EXOC2: variants seen among roughly 807,000 people sequenced by gnomAD.
The protein encoded by EXOC2 is SEC5-like 1.
A neutral mutation model predicts 131.8 loss-of-function variants in EXOC2; 70 were observed. The observed-to-expected ratio is 0.53, with a 90% confidence interval of 0.44 to 0.65. EXOC2 has a LOEUF of 0.65. EXOC2 is among the 30% of genes least tolerant of loss of function. The pLI is 0.00. For synonymous variants in EXOC2, 411 were observed against 398.4 expected, an observed-to-expected ratio of 1.03 and a Z score of -0.38; for missense variants, 923 against 1,108.6, an observed-to-expected ratio of 0.83 and a Z score of 2.38.
chr6:648,258 T>A (rs987611194), intron 1 of EXOC2, among the ~76,000 whole-genome samples: 8 of 152,208 alleles, frequency 5.3e-5, no homozygotes, highest in African/African-American at 7.2e-5. Context: ...AGTATGTTCT[T>A]ATGTTTGTTG....
intron 23 of EXOC2, among the ~76,000 whole-genome samples, chr6:512,912 T>A (rs1764932923): frequency 2.0e-5 from 3 of 152,196 alleles, no homozygotes; most frequent in Admixed American, 2.0e-4. Context: ...TGTAAAATAT[T>A]TTCATTTGAA....
intron 22 of EXOC2, among the ~76,000 whole-genome samples, chr6:538,674 A>G (rs1766611180): frequency 6.6e-6 from 1 of 152,202 alleles, no homozygotes; most frequent in Admixed American, 6.5e-5. Context: ...CCAACTTATG[A>G]GAGTTCAACT....
intron 13 of EXOC2, among the ~76,000 whole-genome samples, chr6:572,264 T>C (rs1207314139): frequency 1.3e-5 from 2 of 152,198 alleles, no homozygotes; most frequent in African/African-American, 4.8e-5. Context: ...TAATTGCCTA[T>C]CTCATTTAAT....
At chr6:643,847 A>T (rs891617524) in intron 1 of EXOC2, among the ~76,000 whole-genome samples, 5 of 152,150 alleles carry the variant, frequency 3.3e-5, no homozygotes, top group African/African-American at 1.2e-4. Flanking sequence ...GTAATGAAAG[A>T]GGGAATAACC....
At position 486,634 on chromosome 6, in the gene EXOC2, G is replaced by C. The variant is rs768534782; in HGVS notation, c.*37C>G. On this transcript the variant is annotated 3_prime_UTR_variant, in exon 28 of 28. Transcript: ENST00000230449. ...CTTAGAGAGTGAACAGTCTTATTAC[G>C]TGTTATTTTCCTGGACTTCTTTTAT... is the stretch of plus-strand genomic sequence containing the variant. 1.3e-6 allele frequency: 2 copies of C among 1,529,114 alleles called. No individual in the cohort carries two copies. The highest frequency in any genetic ancestry group is 2.2e-5 in the South Asian group (2 of 89,330). The allele number at this position is 1,529,114 out of a possible 1,614,324, so 94.7% of individuals were successfully genotyped here. A position where few individuals can be genotyped will look rare whatever the true frequency, so the allele number is the denominator to read the frequency against.
Position 562,793 on chromosome 6 carries a change from C to A in EXOC2, c.1842G>T (p.Leu614=). The change falls in exon 17 of 28, where the codon CTG becomes CTT. Residue 614 remains leucine, a synonymous_variant. Transcript: ENST00000230449. ...KEDWIVDNEG[L]TSLPCQFEQC... ...AAGAACTTAAACTTACTAGAGAAGT[C>A]AGTCCTTCATTGTCAACAATCCAGT... 6.3e-7 allele frequency: 1 copy of A among 1,593,588 alleles called. No individual in the cohort carries two copies. The highest frequency in any genetic ancestry group is 1.2e-5 in the South Asian group (1 of 84,956).
Position 637,828 on chromosome 6 carries a change from T to C in EXOC2, c.-10A>G, listed in dbSNP as rs1360969566. 8.1e-6 allele frequency: 13 copies of C among 1,610,340 alleles called. No homozygotes were observed. The highest frequency in any genetic ancestry group is 2.7e-5 in the African/African-American group (2 of 74,830). The stretch of plus-strand genomic sequence containing the variant: ...GTCGTGATCGAGACATTGTGCTTTG[T>C]GGAGCAAACTGGTGATCCTGTTAGA... On this transcript the variant is annotated 5_prime_UTR_variant, in exon 2 of 28. Transcript: ENST00000230449.
In EXOC2 at chr6:581,312, AG is replaced by A. The variant is rs1581486020; in HGVS notation, c.1193-4431del. ...CTCTGTCTCAAAAAAAAAAAAAAAA[AG>A]TAACAGTGAAAACTGTATCAGAATT... is the stretch of plus-strand genomic sequence containing the variant. On this transcript the variant is annotated intron_variant, in intron 11 of 27. Coordinates refer to ENST00000230449, the MANE Select transcript of EXOC2 (RefSeq NM_018303.6). 2.0e-5 allele frequency among the ~76,000 whole-genome samples: 3 copies of A among 151,980 alleles called. No homozygotes were observed. In the East Asian group the frequency reaches 5.8e-4, roughly 29 times the overall value.
chr6:598,747 G>C (rs1398556477), intron 9 of EXOC2, 113 bp downstream of exon 9: 3 of 757,420 alleles, frequency 4.0e-6, no homozygotes, highest in African/African-American at 3.6e-5. Flanking sequence ...ATTGTAAAGA[G>C]AGCCTCATAT....
chr6:650,518 C>A (rs889135633), intron 1 of EXOC2, among the ~76,000 whole-genome samples: 1 of 152,164 alleles, frequency 6.6e-6, no homozygotes, highest in African/African-American at 2.4e-5. Context: ...TATAATTACA[C>A]AATATTAGTT....
intron 7 of EXOC2, among the ~76,000 whole-genome samples, chr6:608,170 G>C (rs1261035509): frequency 6.6e-6 from 1 of 152,156 alleles, no homozygotes; most frequent in Non-Finnish European, 1.5e-5. Flanking sequence ...TGTGACTTTA[G>C]TTCTGTTTTC....
At chr6:590,262 T>C in intron 11 of EXOC2, among the ~76,000 whole-genome samples, 1 of 152,192 alleles carries the variant, frequency 6.6e-6, no homozygotes, top group South Asian at 2.1e-4. Flanking sequence ...GACTGCAGAC[T>C]GTGTGTAACA....
Position 599,228 on chromosome 6 carries a change from G to T in EXOC2, c.743-3C>A. On this transcript the variant is annotated splice_region_variant and splice_polypyrimidine_tract_variant and intron_variant, in intron 7 of 27. Transcript: ENST00000230449. The stretch of plus-strand genomic sequence containing the variant: ...TGTGTCTGCAGTATTACTTGCTCCT[G>T]TTTTAAAAAGAGGAAAGGAAACTTA... 6.5e-7 allele frequency: 1 copy of T among 1,537,064 alleles called. No individual in the cohort carries two copies. The highest frequency in any genetic ancestry group is 8.8e-7 in the Non-Finnish European group (1 of 1,140,096).
chr6:652,394 A>G (rs937425424), intron 1 of EXOC2, among the ~76,000 whole-genome samples: 1 of 152,204 alleles, frequency 6.6e-6, no homozygotes, highest in African/African-American at 2.4e-5. Context: ...GAAATCACCA[A>G]AACAAAATAA....
chr6:676,075 G>A (rs1219479642), intron 1 of EXOC2, among the ~76,000 whole-genome samples: 2 of 90,570 alleles, frequency 2.2e-5, no homozygotes, highest in African/African-American at 7.4e-5. Flanking sequence ...GGTTCCTCTG[G>A]CGACTGCGGT....
intron 2 of EXOC2, 77 bp from the exon 3 acceptor site, chr6:633,194 T>A (rs1217084545): frequency 7.5e-6 from 11 of 1,465,162 alleles, no homozygotes; most frequent in African/African-American, 2.8e-5. Context: ...TTACATTTTT[T>A]AAATCTAGTC....
At chr6:651,706 AC>A (rs1440722275) in intron 1 of EXOC2, among the ~76,000 whole-genome samples, 1 of 151,628 alleles carries the variant, frequency 6.6e-6, no homozygotes, top group Non-Finnish European at 1.5e-5. Context: ...AATAAAGTCT[AC>A]AGAAGTGCTC....
intron 11 of EXOC2, among the ~76,000 whole-genome samples, chr6:590,512 C>T (rs1759482234): frequency 6.6e-6 from 1 of 152,220 alleles, no homozygotes. Context: ...TCTCCTGTTA[C>T]AGCTCCTGAT....
At chr6:556,942 T>C (rs1561853516) in intron 17 of EXOC2, among the ~76,000 whole-genome samples, 1 of 152,216 alleles carries the variant, frequency 6.6e-6, no homozygotes, top group African/African-American at 2.4e-5. Context: ...CTGAGTCTCC[T>C]AGATCTTCCA....
Sources: allele counts gnomAD v4.1 joint callset (sites outside exome capture counted in the v4.1 genomes callset), GRCh38; gene constraint gnomAD v4.1.1; transcripts MANE v1.5; gene names NCBI Gene and HGNC (gene_info 2026-07-23, HGNC 2026-07-21).